NUDT5: variants seen among roughly 807,000 people sequenced by gnomAD.
NUDT5 encodes the protein nudix hydrolase 5.
In NUDT5, 21 loss-of-function variants were observed where a neutral mutation model predicts 34.1. The observed-to-expected ratio is 0.62, with a 90% CI of 0.44 to 0.89. The LOEUF (loss-of-function observed/expected upper bound fraction) is 0.89, where lower values mean the gene tolerates loss of function less well. NUDT5 is among the 40% of genes least tolerant of loss of function. The pLI is 0.00. For missense variants in NUDT5, 249 were observed against 274.8 expected (o/e 0.91, Z 0.66); for synonymous variants, 85 against 97.6 (o/e 0.87, Z 0.76).
At chr10:12,172,731 C>T in intron 7 of NUDT5, 34 bp downstream of exon 7, 1 of 1,471,292 alleles carries the variant, frequency 6.8e-7, no homozygotes, top group East Asian at 2.3e-5. Context: ...GTAATGCAAC[C>T]ACACCACCTT....
chr10:12,184,460 T>TC lies in NUDT5; in HGVS notation c.131+428dup, dbSNP rs777854092. On this transcript the variant is annotated intron_variant, in intron 3 of 9. Transcript: ENST00000491614. ...AAATAGGGTGTACAAAATGTTTTTT[T>TC]CCCAATTTGCATTTCCATGAGGCAG... 2.6e-6 allele frequency: 4 copies of TC among 1,541,074 alleles called. No homozygotes were observed. In the South Asian group the frequency reaches 4.8e-5, roughly 19 times the overall value.
intron 1 of NUDT5, among the ~76,000 whole-genome samples, chr10:12,186,898 A>T (rs1835139692): frequency 6.6e-6 from 1 of 152,136 alleles, no homozygotes; most frequent in Non-Finnish European, 1.5e-5. Context: ...AAGTGCTGGG[A>T]TTACAGGCGT....
chr10:12,167,847 GT>G, intron 9 of NUDT5, 36 bp from the exon 10 acceptor site: 1 of 1,610,148 alleles, frequency 6.2e-7, no homozygotes, highest in East Asian at 2.2e-5. Flanking sequence ...AGATCATGCC[GT>G]TAAGGAAGGA....
chr10:12,179,631 T>G (rs1452560060), intron 3 of NUDT5, among the ~76,000 whole-genome samples: 2 of 142,052 alleles, frequency 1.4e-5, no homozygotes, highest in African/African-American at 5.3e-5. Context: ...ACCTTCCCAT[T>G]TATTAATGGA....
rs139977232 is a variant in NUDT5, at chr10:12,181,700, C to T, written c.132-2568G>A. Among the ~76,000 whole-genome samples, 832 of 152,066 alleles carry T rather than the reference C, an allele frequency of 5.5e-3. 13 individuals are homozygous for T. The highest frequency in any genetic ancestry group is 0.019 in the African/African-American group (781 of 41,458). Reference sequence around the variant, plus strand: ...TGTGCGTGCAAAGGATATATCGGGCCGGGTGTGGTGGCTCACGCCTGAAAC... The same window carrying T: ...TGTGCGTGCAAAGGATATATCGGGCTGGGTGTGGTGGCTCACGCCTGAAAC... On this transcript the variant is annotated intron_variant, in intron 3 of 9. Transcript: ENST00000491614. The surrounding 1 kb of genome is among the most constrained non-coding windows in gnomAD (Gnocchi z 5.0).
intron 3 of NUDT5, among the ~76,000 whole-genome samples, chr10:12,179,603 A>G (rs1018975161): frequency 1.3e-5 from 2 of 152,206 alleles, no homozygotes; most frequent in Non-Finnish European, 2.9e-5. Context: ...CCTAAAACAC[A>G]CAATTTAAGA....
In NUDT5 at chr10:12,167,324, A is replaced by AT; in HGVS notation, c.*377dup. ...TGGTTATTTGCATACCCAGCTTAGA[A>AT]TTTTATATTGGGGGTTGAGAGTGGA... is the stretch of plus-strand genomic sequence containing the variant. On this transcript the variant is annotated 3_prime_UTR_variant, in exon 10 of 10. Coordinates refer to ENST00000491614, the MANE Select transcript of NUDT5 (RefSeq NM_014142.4). The AT allele has an allele frequency of 5.6e-6, 1 of 177,096 alleles. No individual in the cohort carries two copies. The highest frequency in any genetic ancestry group is 5.5e-5 in the Admixed American group (1 of 18,222). The allele number at this position is 177,096 out of a possible 1,614,324, so 11.0% of individuals were successfully genotyped here. A position where few individuals can be genotyped will look rare whatever the true frequency, so the allele number is the denominator to read the frequency against.
Position 12,171,434 on chromosome 10 carries a change from G to A in NUDT5, c.488-526C>T, listed in dbSNP as rs1434115283. 1.3e-5 allele frequency among the ~76,000 whole-genome samples: 2 copies of A among 152,184 alleles called. No homozygotes were observed. Among genetic ancestry groups the A allele is most frequent in the Non-Finnish European group, 2.9e-5 (2 of 68,048 alleles). ...ATCATGTTATCGCATGTTTCAGCGT[G>A]TATGTGTGTTTGTGTGTATACCACA... On this transcript the variant is annotated intron_variant, in intron 7 of 9. Coordinates refer to ENST00000491614, the MANE Select transcript of NUDT5 (RefSeq NM_014142.4). The surrounding 1 kb of genome is among the most constrained non-coding windows in gnomAD (Gnocchi z 4.2).
At chr10:12,180,461 G>C (rs1245104407) in intron 3 of NUDT5, 1 of 152,188 alleles carries the variant, frequency 6.6e-6, no homozygotes, top group Non-Finnish European at 1.5e-5. Flanking sequence ...ACAGTGCTGG[G>C]AAAAGCACTG....
rs1341966800 is a variant in NUDT5 at position 12,175,728 on chromosome 10, T to A, written c.290-1915A>T. ...CGGGCAGATCACTTGAGCCAAGGAG[T>A]TAGAGATCAGCCTGGGCAACATGGC... is the stretch of plus-strand genomic sequence containing the variant. On this transcript the variant is annotated intron_variant, in intron 5 of 9. Coordinates refer to ENST00000491614, the MANE Select transcript of NUDT5 (RefSeq NM_014142.4). The surrounding 1 kb of genome is among the most constrained non-coding windows in gnomAD (Gnocchi z 4.8). Among the ~76,000 whole-genome samples the A allele has an allele frequency of 1.1e-4, 17 of 151,398 alleles. No individual in the cohort carries two copies. The highest frequency in any genetic ancestry group is 3.9e-4 in the African/African-American group (16 of 41,148).
At chr10:12,180,116 C>A (rs1264089618) in intron 3 of NUDT5, among the ~76,000 whole-genome samples, 1 of 152,190 alleles carries the variant, frequency 6.6e-6, no homozygotes, top group East Asian at 1.9e-4. Flanking sequence ...TGCTTCCTAT[C>A]CGGCTGTCCT....
rs1030549322 is a variant in NUDT5, at chr10:12,170,301, T to C, written c.550+416A>G. 3.7e-6 allele frequency: 4 copies of C among 1,078,902 alleles called. No individual in the cohort carries two copies. Among genetic ancestry groups the C allele is most frequent in the Non-Finnish European group, 5.6e-6 (4 of 719,770 alleles). The allele number at this position is 1,078,902 out of a possible 1,614,324, so 66.8% of individuals were successfully genotyped here. ...ACCTCAAGTATTTGTTGAAGGAGCATCATCAATTTCTCCTTGAACATACAG... is the reference window on the plus strand; with the variant it reads ...ACCTCAAGTATTTGTTGAAGGAGCACCATCAATTTCTCCTTGAACATACAG... On this transcript the variant is annotated intron_variant, in intron 9 of 9. Transcript: ENST00000491614. This position sits in a 1 kb window ranked among gnomAD's most constrained non-coding sequence, Gnocchi z 4.9.
chr10:12,184,117 T>C (rs372814315), intron 3 of NUDT5, among the ~76,000 whole-genome samples: 1 of 152,322 alleles, frequency 6.6e-6, no homozygotes, highest in South Asian at 2.1e-4. Flanking sequence ...TGTGGTGTGA[T>C]CTCAGCTCAC....
chr10:12,174,899 G>C (rs1834924550), intron 5 of NUDT5, among the ~76,000 whole-genome samples: 1 of 144,856 alleles, frequency 6.9e-6, no homozygotes, highest in Non-Finnish European at 1.5e-5. Flanking sequence ...GCCTGGGAAT[G>C]AAAGGCCAGA....
In NUDT5 at chr10:12,169,447, A is replaced by T. The variant is rs888323803; in HGVS notation, c.550+1270T>A. The T allele has an allele frequency of 2.0e-5, 14 of 706,020 alleles. No homozygotes were observed. Among genetic ancestry groups the T allele is most frequent in the Non-Finnish European group, 3.2e-5 (14 of 432,546 alleles). 43.7% of individuals were successfully genotyped at this position (706,020 alleles called of 1,614,324 possible). Reference sequence around the variant, plus strand: ...GAAAAAAGCCGAGAGAGGCTACAGAACCTGTTTGATGTGATAGCTAATTAT... The same window carrying T: ...GAAAAAAGCCGAGAGAGGCTACAGATCCTGTTTGATGTGATAGCTAATTAT... On this transcript the variant is annotated intron_variant, in intron 9 of 9. Coordinates refer to ENST00000491614, the MANE Select transcript of NUDT5 (RefSeq NM_014142.4). This position sits in a 1 kb window ranked among gnomAD's most constrained non-coding sequence, Gnocchi z 4.8.
At chr10:12,180,636 A>G (rs1371655445) in intron 3 of NUDT5, 1 of 152,270 alleles carries the variant, frequency 6.6e-6, no homozygotes, top group African/African-American at 2.4e-5. Flanking sequence ...GAGAGCTCCA[A>G]CAACTTCAAA....
At position 12,167,514 on chromosome 10, in the gene NUDT5, T is replaced by C. The variant is rs1366360492; in HGVS notation, c.*188A>G. The C allele has an allele frequency of 3.1e-5, 17 of 552,224 alleles. No homozygotes were observed. The highest frequency in any genetic ancestry group is 4.4e-5 in the Non-Finnish European group (14 of 316,158). The allele number at this position is 552,224 out of a possible 1,614,324, so 34.2% of individuals were successfully genotyped here. On this transcript the variant is annotated 3_prime_UTR_variant, in exon 10 of 10. Coordinates refer to ENST00000491614, the MANE Select transcript of NUDT5 (RefSeq NM_014142.4). ...TCTTTGTTAATTTTAGCTGGAGTTA[T>C]AACAAATTTAAAGGAAGGTCACAAC... is the stretch of plus-strand genomic sequence containing the variant.
At position 12,170,694 on chromosome 10, in the gene NUDT5, G is replaced by A. The variant is rs1305098278; in HGVS notation, c.550+23C>T. On this transcript the variant is annotated intron_variant, in intron 9 of 9. Transcript: ENST00000491614. This position sits in a 1 kb window ranked among gnomAD's most constrained non-coding sequence, Gnocchi z 4.9. ...GGACGGGGAGAACTGGAGAAACTGG[G>A]TGGCGGTCTGGAGAATGCTTACCAT... is the stretch of plus-strand genomic sequence containing the variant. 1.9e-6 allele frequency: 3 copies of A among 1,611,596 alleles called. No homozygotes were observed. Among genetic ancestry groups the A allele is most frequent in the Non-Finnish European group, 8.5e-7 (1 of 1,178,794 alleles).
intron 2 of NUDT5, 123 bp from the exon 3 acceptor site, chr10:12,185,079 A>C: frequency 1.7e-6 from 1 of 598,726 alleles, no homozygotes; most frequent in East Asian, 2.9e-5. Context: ...TTTCCTTCCC[A>C]ATAATCTGTG....
Sources: gnomAD v4.1 joint callset for allele counts (sites outside exome capture counted in the v4.1 genomes callset) on GRCh38, gnomAD v4.1.1 for gene constraint, Gnocchi (gnomAD v3.1) non-coding constraint, MANE v1.5 for transcripts, NCBI Gene and HGNC (gene_info 2026-07-23, HGNC 2026-07-21) for gene names.